Variants in SPTBN2 observed in about 807,000 individuals in gnomAD.
SPTBN2 encodes the protein spectrin beta, non-erythrocytic 2.
SPTBN2 carries 107 observed loss-of-function variants against 284.2 expected under a neutral mutation model. The observed-to-expected ratio is 0.38, with a 90% confidence interval of 0.32 to 0.44. SPTBN2 has a LOEUF of 0.44. Ranked by LOEUF, SPTBN2 falls within the 20% of genes least tolerant of loss-of-function variation. SPTBN2 has a pLI of 1.00. For missense variants in SPTBN2, 2,569 were observed against 3,287.1 expected (o/e 0.78, Z 5.34); for synonymous variants, 1,289 against 1,354.8 (o/e 0.95, Z 1.07).
rs371267330 is a variant in SPTBN2, at chr11:66,693,011, C to G, written c.4944G>C (p.Ala1648=). 4 of 1,610,874 alleles carry G rather than the reference C, an allele frequency of 2.5e-6. No homozygotes were observed. Among genetic ancestry groups the G allele is most frequent in the Non-Finnish European group, 3.4e-6 (4 of 1,179,996 alleles). Residue 1648 remains alanine, a synonymous_variant, in exon 25 of 38, where the codon GCG becomes GCC. Coordinates refer to ENST00000533211, the MANE Select transcript of SPTBN2 (RefSeq NM_006946.4). The surrounding 1 kb of genome is among the most constrained non-coding windows in gnomAD (Gnocchi z 5.7). ...ADYAQTIHQL[A]ASSQDMIDHE... is the part of the protein sequence containing the mutation. ...GGTCAATCATGTCCTGGCTGCTGGCCGCCAGCTGGTGGATGGTCTGCGCGT... is the reference window on the plus strand; with the variant it reads ...GGTCAATCATGTCCTGGCTGCTGGCGGCCAGCTGGTGGATGGTCTGCGCGT...
At chr11:66,723,051 C>T (rs1328067495) in intron 1 of SPTBN2, among the ~76,000 whole-genome samples, 1 of 152,150 alleles carries the variant, frequency 6.6e-6, no homozygotes, top group African/African-American at 2.4e-5. Flanking sequence ...CCTCAACCGT[C>T]TTAGAGGCTC....
intron 36 of SPTBN2, chr11:66,686,783 G>A (rs1018976682): frequency 3.8e-5 from 26 of 691,554 alleles, no homozygotes; most frequent in Middle Eastern, 2.5e-4. Context: ...ATTGGCAGCC[G>A]TCAGGCCTGG....
chr11:66,686,126 A>G (rs765033629), intron 37 of SPTBN2, 22 bp from the exon 38 acceptor site: 3 of 1,603,456 alleles, frequency 1.9e-6, no homozygotes, highest in East Asian at 2.3e-5. Context: ...AAGACCCTCA[A>G]TCAGCTTCAA....
Position 66,688,149 on chromosome 11 carries a change from C to A in SPTBN2, c.6374+20G>T, listed in dbSNP as rs1339352080. 6.2e-6 allele frequency: 10 copies of A among 1,613,406 alleles called. No homozygotes were observed. Among genetic ancestry groups the A allele is most frequent in the Non-Finnish European group, 8.5e-6 (10 of 1,180,042 alleles). On this transcript the variant is annotated intron_variant, in intron 32 of 37. Coordinates refer to ENST00000533211, the MANE Select transcript of SPTBN2 (RefSeq NM_006946.4). The stretch of plus-strand genomic sequence containing the variant: ...CCTGGGCTCAGCCGCCTCCTCCTAC[C>A]CAGGCATCCTGGCTCTCACCCGTCC...
rs1941443789 is a variant in SPTBN2 at position 66,704,899 on chromosome 11, C to G, written c.2377G>C (p.Glu793Gln). 8 of 1,611,688 alleles carry G rather than the reference C, an allele frequency of 5.0e-6. No individual in the cohort carries two copies. Among genetic ancestry groups the G allele is most frequent in the East Asian group, 2.2e-5 (1 of 44,880 alleles). Residue 793 changes from glutamate (E) to glutamine (Q), a missense_variant, in exon 15 of 38, where the codon GAG (glutamate) becomes CAG (glutamine). Around this residue, in one of 6 missense-constraint regions of SPTBN2, gnomAD observed 1,012 missense variants for 1,248.9 expected, o/e 0.81. Coordinates refer to ENST00000533211, the MANE Select transcript of SPTBN2 (RefSeq NM_006946.4). ...GGCCGGTGGCTTCGAATCTCCTCCT[C>G]CAGGGCCCGATGCTGCCTGGCTAGA... Reference protein sequence around the residue: ...QALARQHRALEEEIRSHRPTL... With the variant: ...QALARQHRALQEEIRSHRPTL...
intron 8 of SPTBN2, chr11:66,712,958 G>T (rs1034936364): frequency 1.3e-5 from 2 of 153,594 alleles, no homozygotes; most frequent in Non-Finnish European, 2.9e-5. Context: ...TGATCCTCTC[G>T]CCTCAGCCTC....
At chr11:66,728,466 C>G (rs1345527008) in intron 1 of SPTBN2, 4 of 150,750 alleles carry the variant, frequency 2.7e-5, no homozygotes, top group African/African-American at 9.7e-5. Flanking sequence ...CATCTGGAGC[C>G]GGCGGCCCCG....
At chr11:66,727,234 CAT>C (rs1942650841) in intron 1 of SPTBN2, among the ~76,000 whole-genome samples, 1 of 152,308 alleles carries the variant, frequency 6.6e-6, no homozygotes, top group Admixed American at 6.5e-5. Flanking sequence ...AGCTAAGACA[CAT>C]ATTTGGAACT....
At position 66,705,557 on chromosome 11, in the gene SPTBN2, C is replaced by T. The variant is rs55698832; in HGVS notation, c.1808-89G>A. The T allele has an allele frequency of 9.5e-4, 1,526 of 1,605,194 alleles. 11 individuals carry two copies. The African/African-American group carries it at 0.016, about 17-fold the overall frequency. On this transcript the variant is annotated intron_variant, in intron 14 of 37. Coordinates refer to ENST00000533211, the MANE Select transcript of SPTBN2 (RefSeq NM_006946.4). Reference sequence around the variant, plus strand: ...CACTCTCTTGGACTTCCCTCCCTGGCTTTAGCTCAGTCACCATCGTTTGGC... The same window carrying T: ...CACTCTCTTGGACTTCCCTCCCTGGTTTTAGCTCAGTCACCATCGTTTGGC...
At chr11:66,740,486 G>T (rs1942888602) in intron 1 of SPTBN2, among the ~76,000 whole-genome samples, 1 of 152,162 alleles carries the variant, frequency 6.6e-6, no homozygotes, top group Admixed American at 6.5e-5. Context: ...GAAAGCAGAG[G>T]GAGGTGAGTG....
chr11:66,688,048 C>A lies in SPTBN2; in HGVS notation c.6406G>T (p.Ala2136Ser). The change falls in exon 33 of 38, where the codon GCA becomes TCA. Residue 2136 changes from alanine (A) to serine (S), a missense_variant. Ala to Ser is a moderately conservative substitution (Grantham distance 99). This residue lies in a region of SPTBN2 where 1,130 missense variants were observed against 1,317.3 expected (regional missense o/e 0.86). Transcript: ENST00000533211. ...GTGCAGACTCCATTAACACTGGGTG[C>A]TTGTGTGGATGGTGGTGGCCGTGGC... The part of the protein sequence containing the change: ...TQPRPPPSTQ[A>S]PSVNGVCTDG... The A allele has an allele frequency of 6.2e-7, 1 of 1,614,166 alleles. No individual in the cohort carries two copies. The highest frequency in any genetic ancestry group is 8.5e-7 in the Non-Finnish European group (1 of 1,180,028).
chr11:66,735,332 C>CA (rs550747095), intron 1 of SPTBN2, among the ~76,000 whole-genome samples: 120 of 112,176 alleles, frequency 1.1e-3, no homozygotes, highest in African/African-American at 1.4e-3. Context: ...GACACCGTCT[C>CA]AAAAAAAAAA....
Position 66,705,836 on chromosome 11 carries a change from C to T in SPTBN2, c.1655G>A (p.Gly552Asp), listed in dbSNP as rs771700311. 8 of 1,612,022 alleles carry T rather than the reference C, an allele frequency of 5.0e-6. No homozygotes were observed. The Admixed American group carries it at 1.2e-4, about 24-fold the overall frequency. Residue 552 changes from glycine (G) to aspartate (D), a missense_variant and splice_region_variant, in exon 14 of 38, where the codon GGC becomes GAC. Around this residue, in one of 6 missense-constraint regions of SPTBN2, gnomAD observed 1,012 missense variants for 1,248.9 expected, o/e 0.81. Coordinates refer to ENST00000533211, the MANE Select transcript of SPTBN2 (RefSeq NM_006946.4). ...YLMDWMEEMK[G>D]RLQSQDLGRH... is the part of the protein sequence containing the mutation. ...GCCCAGGTCCTGAGACTGCAGCCGG[C>T]CCTGCCAGGCACACATGAAGTGCAC... is the stretch of plus-strand genomic sequence containing the variant.
rs112103337 is a variant in SPTBN2 at position 66,718,659 on chromosome 11, C to T, written c.157+2425G>A. The stretch of plus-strand genomic sequence containing the variant: ...AGTTACAGAGCCCAGGGCCCAGAGT[C>T]CATGCTCCCCGCTGGCAGGGGGCCA... On this transcript the variant is annotated intron_variant, in intron 3 of 37. Transcript: ENST00000533211. The surrounding 1 kb of genome is among the most constrained non-coding windows in gnomAD (Gnocchi z 4.8). 0.02 allele frequency among the ~76,000 whole-genome samples: 3,018 copies of T among 152,358 alleles called. 38 individuals are homozygous for T. Among genetic ancestry groups the T allele is most frequent in the South Asian group, 0.031 (149 of 4,832 alleles).
At chr11:66,686,286 T>C (rs151218130) in intron 37 of SPTBN2, 112 bp downstream of exon 37, 7 of 1,506,704 alleles carry the variant, frequency 4.6e-6, no homozygotes, top group Non-Finnish European at 5.5e-6. Context: ...CATCCAGTCT[T>C]ACCACAAAGG....
rs908472829 is a variant in SPTBN2 at position 66,715,169 on chromosome 11, C to T, written c.483+53G>A. 94 of 1,598,336 alleles carry T rather than the reference C, an allele frequency of 5.9e-5. No homozygotes were observed. In the Admixed American group the frequency reaches 1.2e-3, roughly 20 times the overall value. On this transcript the variant is annotated intron_variant, in intron 5 of 37. Coordinates refer to ENST00000533211, the MANE Select transcript of SPTBN2 (RefSeq NM_006946.4). The surrounding 1 kb of genome is among the most constrained non-coding windows in gnomAD (Gnocchi z 5.3). ...GTCATGGGCCAGCAGGAACGGCTTGCGGTGCAGAGCCAGGGCAGGAACCAC... is the reference window on the plus strand; with the variant it reads ...GTCATGGGCCAGCAGGAACGGCTTGTGGTGCAGAGCCAGGGCAGGAACCAC...
At position 66,708,177 on chromosome 11, in the gene SPTBN2, C is replaced by G. The variant is rs1941669268; in HGVS notation, c.1314G>C (p.Glu438Asp). 1 of 1,613,090 alleles carries G rather than the reference C, an allele frequency of 6.2e-7. No homozygotes were observed. The highest frequency in any genetic ancestry group is 8.5e-7 in the Non-Finnish European group (1 of 1,179,876). ...GGCGCTGGTTCTCGCTGAGCCAGGT[C>G]TCCCGCATGGCAGCCTTGCGGTCGA... Reference protein sequence around the residue: ...ARFDRKAAMRETWLSENQRLV... With the variant: ...ARFDRKAAMRDTWLSENQRLV... Residue 438 changes from glutamate to aspartate, a missense_variant, in exon 12 of 38, where the codon GAG becomes GAC. Physicochemically the swap from Glu to Asp is conservative, Grantham distance 45. Coordinates refer to ENST00000533211, the MANE Select transcript of SPTBN2 (RefSeq NM_006946.4). This position sits in a 1 kb window ranked among gnomAD's most constrained non-coding sequence, Gnocchi z 4.4.
chr11:66,730,844 G>C (rs1942801263), upstream of SPTBN2, among the ~76,000 whole-genome samples: 1 of 152,176 alleles, frequency 6.6e-6, no homozygotes, highest in Non-Finnish European at 1.5e-5. Flanking sequence ...TGAACAGACT[G>C]ATGTTCAGAC....
intron 31 of SPTBN2, 26 bp downstream of exon 31, chr11:66,688,627 G>A (rs1216876446): frequency 6.2e-7 from 1 of 1,613,226 alleles, no homozygotes; most frequent in South Asian, 1.1e-5. Flanking sequence ...GGTTGGAGTG[G>A]GCATCCGGGG....
Sources: allele counts gnomAD v4.1 joint callset (sites outside exome capture counted in the v4.1 genomes callset), GRCh38; gene constraint gnomAD v4.1.1; regional missense constraint gnomAD v4.1.1; non-coding constraint Gnocchi (gnomAD v3.1); transcripts MANE v1.5; gene names NCBI Gene and HGNC (gene_info 2026-07-23, HGNC 2026-07-21).